TNFAIP8: variants seen among roughly 807,000 people sequenced by gnomAD.
TNFAIP8 encodes TNF alpha induced protein 8.
A neutral mutation model predicts 13.3 loss-of-function variants in TNFAIP8; 7 were observed. The observed-to-expected ratio is 0.52, with a 90% confidence interval of 0.30 to 0.99. TNFAIP8 has a LOEUF of 0.99. Ranked by LOEUF, TNFAIP8 falls within the 50% of genes least tolerant of loss-of-function variation. The pLI, the probability that TNFAIP8 is intolerant of heterozygous loss-of-function variation, is 0.07. For missense variants in TNFAIP8, 258 were observed against 236.9 expected, an observed-to-expected ratio of 1.09 and a Z score of -0.58; for synonymous variants, 94 against 87.6, an observed-to-expected ratio of 1.07 and a Z score of -0.41.
chr5:119,368,572 C>A (rs1279647137), intron 1 of TNFAIP8, among the ~76,000 whole-genome samples: 1 of 151,920 alleles, frequency 6.6e-6, no homozygotes, highest in South Asian at 2.1e-4. Context: ...AAAAAACTTT[C>A]TTTTTCTGAA....
At chr5:119,269,434 A>ATGTG (rs113644241) in intron 1 of TNFAIP8, among the ~76,000 whole-genome samples, 1 of 151,236 alleles carries the variant, frequency 6.6e-6, no homozygotes, top group African/African-American at 2.4e-5. Context: ...GAGGAAGAAA[A>ATGTG]TGTGTGTGTG....
intron 1 of TNFAIP8, among the ~76,000 whole-genome samples, chr5:119,290,939 A>G (rs145378957): frequency 2.2e-4 from 34 of 152,256 alleles, no homozygotes; most frequent in Non-Finnish European, 4.3e-4. Context: ...AGGGTCTTGC[A>G]TGCCAAGCTA....
intron 1 of TNFAIP8, among the ~76,000 whole-genome samples, chr5:119,281,767 T>A (rs1748637892): frequency 6.6e-6 from 1 of 152,226 alleles, no homozygotes; most frequent in Non-Finnish European, 1.5e-5. Context: ...TGCTTATCAC[T>A]TGTCCTCATA....
intron 1 of TNFAIP8, among the ~76,000 whole-genome samples, chr5:119,359,295 T>C (rs1233714157): frequency 6.6e-6 from 1 of 152,174 alleles, no homozygotes; most frequent in African/African-American, 2.4e-5. Flanking sequence ...CCACCTGACC[T>C]CCTTTTCTTG....
intron 1 of TNFAIP8, among the ~76,000 whole-genome samples, chr5:119,380,713 T>G (rs1327096608): frequency 1.3e-5 from 2 of 152,250 alleles, no homozygotes; most frequent in Non-Finnish European, 2.9e-5. Flanking sequence ...TAGGATATTT[T>G]AATTTAATTT....
chr5:119,355,767 G>T, upstream of TNFAIP8: 7 of 280,656 alleles, frequency 2.5e-5, no homozygotes, highest in Non-Finnish European at 3.0e-5. Context: ...AGAGTCGGCT[G>T]CCGTCTGGGC....
chr5:119,375,917 T>G (rs906921369), intron 1 of TNFAIP8, among the ~76,000 whole-genome samples: 1 of 152,160 alleles, frequency 6.6e-6, no homozygotes, highest in Non-Finnish European at 1.5e-5. Flanking sequence ...TTAAAAATCT[T>G]GAACCAACAT....
intron 1 of TNFAIP8, among the ~76,000 whole-genome samples, chr5:119,308,057 T>C (rs909468801): frequency 1.3e-5 from 2 of 152,212 alleles, no homozygotes; most frequent in Non-Finnish European, 2.9e-5. Context: ...AAGTTTATTC[T>C]AACCCCTGTA....
At chr5:119,287,415 A>G (rs1282035217) in intron 1 of TNFAIP8, among the ~76,000 whole-genome samples, 5 of 151,784 alleles carry the variant, frequency 3.3e-5, no homozygotes, top group Non-Finnish European at 7.4e-5. Context: ...GTTAATTAAC[A>G]CATCCTTCAT....
In TNFAIP8 at chr5:119,393,253, A is replaced by G; in HGVS notation, c.469A>G (p.Asn157Asp). Residue 157 changes from asparagine (N) to aspartate (D), a missense_variant, in exon 2 of 2, where the codon AAT becomes GAT. Transcript: ENST00000504771. ...TGCCAAGTCACATGGACGGGTTAAT[A>G]ATGTGTTTGATCATTTTTCAGATTG... Reference protein sequence around the residue: ...LTAKSHGRVNNVFDHFSDCEF... With the variant: ...LTAKSHGRVNDVFDHFSDCEF... The G allele has an allele frequency of 1.2e-6, 2 of 1,613,996 alleles. No homozygotes were observed. The highest frequency in any genetic ancestry group is 1.7e-6 in the Non-Finnish European group (2 of 1,179,888).
intron 1 of TNFAIP8, among the ~76,000 whole-genome samples, chr5:119,347,344 A>C (rs537731991): frequency 6.6e-6 from 1 of 152,222 alleles, no homozygotes; most frequent in African/African-American, 2.4e-5. Context: ...GGCTGATTAT[A>C]TATCACTGAA....
chr5:119,355,568 G>A, upstream of TNFAIP8: 2 of 573,186 alleles, frequency 3.5e-6, no homozygotes, highest in Non-Finnish European at 6.2e-6. Context: ...AAGACTCCAA[G>A]ACAAAGTCAA....
intron 1 of TNFAIP8, among the ~76,000 whole-genome samples, chr5:119,297,236 G>T (rs1452276965): frequency 6.6e-6 from 1 of 151,792 alleles, no homozygotes; most frequent in Non-Finnish European, 1.5e-5. Context: ...TTCTCTTGTG[G>T]GCATTTAGTG....
At chr5:119,350,952 T>TTGTGTGTGTGTGTGTGTGTGTGTGTG (rs35633858) in intron 1 of TNFAIP8, among the ~76,000 whole-genome samples, 15 of 144,688 alleles carry the variant, frequency 1.0e-4, no homozygotes, top group South Asian at 2.2e-4. Context: ...CTATGTGTAT[T>TTGTGTGTGTGTGTGTGTGTGTGTGTG]TGTGTGTGTG....
At chr5:119,377,679 C>T (rs530923241) in intron 1 of TNFAIP8, among the ~76,000 whole-genome samples, 1 of 152,318 alleles carries the variant, frequency 6.6e-6, no homozygotes, top group African/African-American at 2.4e-5. Flanking sequence ...ATCATGATCA[C>T]TCTTAACCTT....
intron 1 of TNFAIP8, among the ~76,000 whole-genome samples, chr5:119,335,655 A>G (rs1366975684): frequency 1.3e-5 from 2 of 152,050 alleles, no homozygotes; most frequent in South Asian, 2.1e-4. Context: ...ATCCATGGAC[A>G]TATCTATTCA....
In TNFAIP8 at chr5:119,344,671, C is replaced by T. The variant is rs545208028; in HGVS notation, c.2-48145C>T. ...AACTAGCTTAAAATCTGTTAGGCAA[C>T]GCTAACTAGAGATGATGGCTTTACT... On this transcript the variant is annotated intron_variant, in intron 1 of 1. Coordinates refer to the TNFAIP8 transcript ENST00000274456. Among the ~76,000 whole-genome samples, 13 of 152,106 alleles carry T rather than the reference C, an allele frequency of 8.5e-5. 2 individuals carry two copies. The South Asian group carries it at 1.0e-3, about 12-fold the overall frequency.
chr5:119,269,352 A>G (rs1050832026), intron 1 of TNFAIP8, among the ~76,000 whole-genome samples: 7 of 152,150 alleles, frequency 4.6e-5, no homozygotes, highest in Admixed American at 6.5e-5. Context: ...TGAGATTGTA[A>G]TCCAACCTTG....
intron 1 of TNFAIP8, among the ~76,000 whole-genome samples, chr5:119,361,773 G>A (rs1413784754): frequency 1.3e-5 from 2 of 152,198 alleles, no homozygotes; most frequent in East Asian, 3.9e-4. Flanking sequence ...GGCCTACGCA[G>A]CCAGGCTGAG....
Sources: allele counts gnomAD v4.1 joint callset (sites outside exome capture counted in the v4.1 genomes callset), GRCh38; gene constraint gnomAD v4.1.1; transcripts MANE v1.5; gene names NCBI Gene and HGNC (gene_info 2026-07-23, HGNC 2026-07-21).